ALK: variants seen among roughly 807,000 people sequenced by gnomAD.
ALK encodes the protein ALK receptor tyrosine kinase.
ALK carries 74 observed loss-of-function variants against 163.1 expected under a neutral mutation model. The ratio of observed to expected loss-of-function variants is 0.45; its 90% CI spans 0.38 to 0.55. ALK has a LOEUF of 0.55. Among genes scored for constraint, ALK ranks in the 20% least tolerant of loss-of-function variants. ALK has a pLI of 0.00. For synonymous variants in ALK, 960 were observed against 843.2 expected, an observed-to-expected ratio of 1.14 and a Z score of -2.40; for missense variants, 2,063 against 2,105.3, an observed-to-expected ratio of 0.98 and a Z score of 0.39.
At chr2:29,506,966 A>T (rs1419611653) in intron 4 of ALK, among the ~76,000 whole-genome samples, 1 of 152,196 alleles carries the variant, frequency 6.6e-6, no homozygotes, top group Non-Finnish European at 1.5e-5. Flanking sequence ...ACATCATGGT[A>T]ACTCCTTAGA....
intron 3 of ALK, among the ~76,000 whole-genome samples, chr2:29,602,950 A>G (rs1022341892): frequency 1.3e-5 from 2 of 152,236 alleles, no homozygotes; most frequent in Non-Finnish European, 2.9e-5. Flanking sequence ...TAAGACATCA[A>G]TCAATACACG....
intron 4 of ALK, among the ~76,000 whole-genome samples, chr2:29,480,037 C>T (rs746516325): frequency 3.9e-5 from 6 of 152,152 alleles, no homozygotes; most frequent in Non-Finnish European, 7.3e-5. Context: ...TAAACAGCAG[C>T]TTTAAAAATA....
intron 1 of ALK, among the ~76,000 whole-genome samples, chr2:29,736,189 G>A (rs1437270296): frequency 6.6e-6 from 1 of 151,948 alleles, no homozygotes; most frequent in Non-Finnish European, 1.5e-5. Context: ...GATAACATAG[G>A]GAAATATTTA....
chr2:29,885,511 T>C (rs530103004), intron 1 of ALK, among the ~76,000 whole-genome samples: 2 of 152,006 alleles, frequency 1.3e-5, no homozygotes, highest in Admixed American at 6.5e-5. Context: ...GTATATGACT[T>C]TGCAGGATTT....
Position 29,920,328 on chromosome 2 carries a change from G to A in ALK, c.332C>T (p.Thr111Ile), listed in dbSNP as rs1667958706. ...CTCTGCCGGGGCTGGTGAACCGGCGGTCCAGGAGACCCCCGGCGCCGGCCC... is the reference window on the plus strand; with the variant it reads ...CTCTGCCGGGGCTGGTGAACCGGCGATCCAGGAGACCCCCGGCGCCGGCCC... The part of the protein sequence containing the change: ...LLGPAPGVSW[T>I]AGSPAPAEAR... The change falls in exon 1 of 29, where the codon ACC (threonine) becomes ATC (isoleucine). Residue 111 changes from threonine (T) to isoleucine (I), a missense_variant. By Grantham distance (89) the Thr-to-Ile change is moderately conservative. This residue lies in a region of ALK where 987 missense variants were observed against 939.5 expected (regional missense o/e 1.05). Coordinates refer to ENST00000389048, the MANE Select transcript of ALK (RefSeq NM_004304.5). The A allele has an allele frequency of 1.3e-6, 2 of 1,553,468 alleles. No homozygotes were observed. Among genetic ancestry groups the A allele is most frequent in the South Asian group, 1.2e-5 (1 of 85,082 alleles).
chr2:29,920,944 T>G lies in ALK; in HGVS notation c.-285A>C, dbSNP rs1572504548. On this transcript the variant is annotated 5_prime_UTR_variant, in exon 1 of 29. Transcript: ENST00000389048. ...TGAGCCTCCCGCTCTCCGCGCCGAG[T>G]GCCGCGCCCCCGTCTGTAGCTCGCT... 2 of 500,212 alleles carry G rather than the reference T, an allele frequency of 4.0e-6. No homozygotes were observed. Among genetic ancestry groups the G allele is most frequent in the Non-Finnish European group, 7.2e-6 (2 of 279,270 alleles). 31.0% of individuals were successfully genotyped at this position (500,212 alleles called of 1,614,324 possible).
intron 4 of ALK, among the ~76,000 whole-genome samples, chr2:29,489,878 T>C (rs1671859755): frequency 6.6e-6 from 1 of 152,274 alleles, no homozygotes; most frequent in Admixed American, 6.5e-5. Flanking sequence ...GAAAGAAGCA[T>C]GTCAACAAGA....
intron 6 of ALK, among the ~76,000 whole-genome samples, chr2:29,321,871 C>G (rs1466329820): frequency 6.6e-6 from 1 of 152,242 alleles, no homozygotes; most frequent in Non-Finnish European, 1.5e-5. Context: ...ATCTTTTTCT[C>G]TACATCAGAC....
chr2:29,577,168 C>T (rs946535194), intron 3 of ALK, among the ~76,000 whole-genome samples: 8 of 152,046 alleles, frequency 5.3e-5, no homozygotes, highest in Admixed American at 2.6e-4. Context: ...CAAGACTTCA[C>T]CCACATTCTC....
At chr2:29,614,666 C>A (rs1006554064) in intron 3 of ALK, among the ~76,000 whole-genome samples, 1 of 152,244 alleles carries the variant, frequency 6.6e-6, no homozygotes, top group Non-Finnish European at 1.5e-5. Flanking sequence ...TAGCCAGAAT[C>A]CCCTACTCTT....
intron 1 of ALK, among the ~76,000 whole-genome samples, chr2:29,828,541 A>G (rs1230497559): frequency 2.0e-5 from 3 of 152,226 alleles, no homozygotes; most frequent in Non-Finnish European, 4.4e-5. Context: ...ACATTTATGC[A>G]GCCAAAAGAC....
intron 1 of ALK, among the ~76,000 whole-genome samples, chr2:29,814,520 C>T (rs561065178): frequency 1.6e-4 from 24 of 151,952 alleles, no homozygotes; most frequent in Admixed American, 1.2e-3. Flanking sequence ...ATTAGCTGGG[C>T]GAGGTGGCAG....
intron 3 of ALK, among the ~76,000 whole-genome samples, chr2:29,690,699 T>TC (rs764769154): frequency 7.9e-5 from 12 of 152,164 alleles, no homozygotes; most frequent in East Asian, 3.9e-4. Flanking sequence ...AATTGTATCT[T>TC]CCTTATTATT....
chr2:29,367,290 T>C (rs1668531473), intron 5 of ALK, among the ~76,000 whole-genome samples: 2 of 152,190 alleles, frequency 1.3e-5, no homozygotes, highest in South Asian at 2.1e-4. Context: ...AGTCATTTTC[T>C]AATATTTTCA....
intron 4 of ALK, among the ~76,000 whole-genome samples, chr2:29,499,350 C>A (rs896596401): frequency 2.0e-5 from 3 of 152,114 alleles, no homozygotes; most frequent in Non-Finnish European, 2.9e-5. Context: ...GTGTGCACCA[C>A]CATGCCCAGT....
chr2:29,632,727 G>C (rs1301333637), intron 3 of ALK, among the ~76,000 whole-genome samples: 1 of 152,170 alleles, frequency 6.6e-6, no homozygotes, highest in African/African-American at 2.4e-5. Flanking sequence ...AGGTTTAATG[G>C]AGAACTCACT....
At position 29,832,691 on chromosome 2, in the gene ALK, C is replaced by G. The variant is rs575354891; in HGVS notation, c.667+87302G>C. 2.2e-4 allele frequency among the ~76,000 whole-genome samples: 33 copies of G among 152,354 alleles called. No individual in the cohort carries two copies. The South Asian group carries it at 6.6e-3, about 31-fold the overall frequency. ...GGACCATTGTACCTGCTTCTGAATA[C>G]TCATCCATCCACCCATTTATCCATC... On this transcript the variant is annotated intron_variant, in intron 1 of 28. Coordinates refer to ENST00000389048, the MANE Select transcript of ALK (RefSeq NM_004304.5).
intron 1 of ALK, among the ~76,000 whole-genome samples, chr2:29,736,835 GA>G (rs1301332876): frequency 6.6e-6 from 1 of 152,110 alleles, no homozygotes; most frequent in Non-Finnish European, 1.5e-5. Context: ...TATACAGGAT[GA>G]AATTTAATAC....
chr2:29,446,222 C>A (rs1171351461), intron 4 of ALK, among the ~76,000 whole-genome samples: 1 of 151,358 alleles, frequency 6.6e-6, no homozygotes, highest in Non-Finnish European at 1.5e-5. Context: ...GGACATTTTA[C>A]CTCTTCTCAA....
Sources: allele counts gnomAD v4.1 joint callset (sites outside exome capture counted in the v4.1 genomes callset), GRCh38; gene constraint gnomAD v4.1.1; regional missense constraint gnomAD v4.1.1; transcripts MANE v1.5; gene names NCBI Gene and HGNC (gene_info 2026-07-23, HGNC 2026-07-21).